EIF3A: variants seen among roughly 807,000 people sequenced by gnomAD.
EIF3A encodes the protein EIF3, p180 subunit.
Under a neutral mutation model 186.6 loss-of-function variants are expected in EIF3A, and 21 were observed. The ratio of observed to expected loss-of-function variants is 0.11; its 90% confidence interval spans 0.08 to 0.16. The LOEUF (loss-of-function observed/expected upper bound fraction) is 0.16, where lower values mean the gene tolerates loss of function less well. Ranked by LOEUF, EIF3A falls within the 10% of genes least tolerant of loss-of-function variation. The pLI is 1.00. For synonymous variants in EIF3A, 563 were observed against 584.3 expected (o/e 0.96, Z 0.52); for missense variants, 1,306 against 1,796.3 (o/e 0.73, Z 4.93).
intron 17 of EIF3A, among the ~76,000 whole-genome samples, chr10:119,048,195 T>G (rs575642667): frequency 2.1e-5 from 3 of 142,492 alleles, no homozygotes; most frequent in African/African-American, 8.6e-5. Flanking sequence ...GCAGGCACAG[T>G]GATCAAACAT....
In EIF3A at chr10:119,042,705, G is replaced by T; in HGVS notation, c.2815C>A (p.Arg939Ser). The T allele has an allele frequency of 6.2e-7, 1 of 1,613,822 alleles. No homozygotes were observed. The highest frequency in any genetic ancestry group is 1.1e-5 in the South Asian group (1 of 91,078). ...SHRRDEERPR[R>S]LGDDEDREPS... ...TCTCTATCTTCATCATCCCCCAGAC[G>T]CCGGGGCCGCTCTTCATCTCTTCTA... Residue 939 changes from arginine to serine, a missense_variant, in exon 19 of 22, where the codon CGT becomes AGT. By Grantham distance (110) the Arg-to-Ser change is moderately radical. Around this residue, in one of 8 missense-constraint regions of EIF3A, gnomAD observed 410 missense variants for 473.5 expected, o/e 0.87. Coordinates refer to ENST00000369144, the MANE Select transcript of EIF3A (RefSeq NM_003750.4). The surrounding 1 kb of genome is among the most constrained non-coding windows in gnomAD (Gnocchi z 7.8).
intron 7 of EIF3A, among the ~76,000 whole-genome samples, chr10:119,062,379 T>G (rs76454965): frequency 0.012 from 1,800 of 152,342 alleles, 38 homozygotes; most frequent in African/African-American, 0.041. Flanking sequence ...TTAGGAATGT[T>G]TGAGTCTTTT....
At chr10:119,040,422 T>A (rs368397142) in intron 19 of EIF3A, among the ~76,000 whole-genome samples, 2 of 152,114 alleles carry the variant, frequency 1.3e-5, no homozygotes, top group Non-Finnish European at 2.9e-5. Flanking sequence ...CTGAAGAGAA[T>A]CAGAGGGATG....
intron 4 of EIF3A, among the ~76,000 whole-genome samples, chr10:119,072,024 C>CAAAAAAAAAAA (rs56100757): frequency 1.7e-5 from 1 of 59,470 alleles, no homozygotes; most frequent in African/African-American, 6.0e-5. Context: ...GACTCTGTCT[C>CAAAAAAAAAAA]AAAAAAAAAA....
chr10:119,080,354 C>G, intron 1 of EIF3A: 1 of 985,456 alleles, frequency 1.0e-6, no homozygotes, highest in Non-Finnish European at 1.2e-6. Flanking sequence ...GGGGCTGTCT[C>G]CCGGGCTGCG....
intron 9 of EIF3A, 115 bp from the exon 10 acceptor site, chr10:119,059,833 A>T: frequency 1.3e-6 from 1 of 749,604 alleles, no homozygotes; most frequent in Non-Finnish European, 2.4e-6. Context: ...TTATGTTAGC[A>T]GTACATTGTT....
chr10:119,070,757 T>G (rs954115897), intron 5 of EIF3A, 129 bp downstream of exon 5: 14 of 675,228 alleles, frequency 2.1e-5, no homozygotes, highest in Non-Finnish European at 3.1e-5. Flanking sequence ...CCCAGTCCAT[T>G]AGGCAACTTT....
chr10:119,040,781 C>T (rs569882696), intron 19 of EIF3A, among the ~76,000 whole-genome samples: 7 of 151,258 alleles, frequency 4.6e-5, no homozygotes, highest in Admixed American at 2.6e-4. Flanking sequence ...CTGAGGCAGG[C>T]GGATCAAGAG....
chr10:119,050,822 T>A, intron 15 of EIF3A, 148 bp from the exon 16 acceptor site: 1 of 863,154 alleles, frequency 1.2e-6, no homozygotes, highest in Non-Finnish European at 1.8e-6. Context: ...AACTTCCAAA[T>A]GACCATTAAC....
intron 1 of EIF3A, among the ~76,000 whole-genome samples, chr10:119,074,795 T>C (rs1844133817): frequency 6.7e-6 from 1 of 149,904 alleles, no homozygotes; most frequent in Non-Finnish European, 1.5e-5. Flanking sequence ...TAGCAGGGCG[T>C]AGTGGTGCAT....
intron 7 of EIF3A, among the ~76,000 whole-genome samples, chr10:119,061,589 A>G (rs1413680499): frequency 6.6e-6 from 1 of 152,108 alleles, no homozygotes; most frequent in Non-Finnish European, 1.5e-5. Flanking sequence ...CACAACTACA[A>G]CCAATTAAAT....
At chr10:119,074,191 C>T (rs1261984282) in intron 1 of EIF3A, among the ~76,000 whole-genome samples, 1 of 152,104 alleles carries the variant, frequency 6.6e-6, no homozygotes, top group African/African-American at 2.4e-5. Context: ...CCAGGCCGGG[C>T]GCAGTGGCTC....
In EIF3A at chr10:119,042,815, A is replaced by T; in HGVS notation, c.2748-43T>A. On this transcript the variant is annotated intron_variant, in intron 18 of 21. Coordinates refer to ENST00000369144, the MANE Select transcript of EIF3A (RefSeq NM_003750.4). The surrounding 1 kb of genome is among the most constrained non-coding windows in gnomAD (Gnocchi z 7.8). Reference sequence around the variant, plus strand: ...CAATTAAAAATATATAAAATAAAAAAGCATATGATCCTTTGGGGATTTTTT... The same window carrying T: ...CAATTAAAAATATATAAAATAAAAATGCATATGATCCTTTGGGGATTTTTT... The T allele has an allele frequency of 6.6e-7, 1 of 1,513,650 alleles. No individual in the cohort carries two copies. Among genetic ancestry groups the T allele is most frequent in the Non-Finnish European group, 8.8e-7 (1 of 1,139,660 alleles). The allele number at this position is 1,513,650 out of a possible 1,614,324, so 93.8% of individuals were successfully genotyped here.
chr10:119,058,350 C>G, intron 11 of EIF3A, 47 bp from the exon 12 acceptor site: 1 of 1,325,944 alleles, frequency 7.5e-7, no homozygotes, highest in Non-Finnish European at 1.0e-6. Flanking sequence ...TTAACATTCT[C>G]TGGTATTAGG....
chr10:119,070,791 A>G, intron 5 of EIF3A, 95 bp downstream of exon 5: 1 of 835,640 alleles, frequency 1.2e-6, no homozygotes, highest in Non-Finnish European at 2.0e-6. Context: ...ATTGAAATTA[A>G]CCAATGCATA....
intron 15 of EIF3A, 60 bp downstream of exon 15, chr10:119,051,139 C>A (rs1329591992): frequency 6.7e-7 from 1 of 1,486,978 alleles, no homozygotes; most frequent in Non-Finnish European, 9.1e-7. Context: ...TAAGGGAGAA[C>A]CCTTAGGCCA....
chr10:119,062,146 A>G (rs1843898982), intron 7 of EIF3A, among the ~76,000 whole-genome samples: 3 of 152,188 alleles, frequency 2.0e-5, no homozygotes. Context: ...CTTTACTGCA[A>G]TAAGGTGTGG....
intron 1 of EIF3A, among the ~76,000 whole-genome samples, chr10:119,076,247 T>TA (rs1349895388): frequency 6.6e-6 from 1 of 150,382 alleles, no homozygotes; most frequent in African/African-American, 2.4e-5. Context: ...GCAAGACAAT[T>TA]ACTTGAATTC....
In EIF3A at chr10:119,075,711, CTTTTTTTTT is replaced by C. The variant is rs58392465; in HGVS notation, c.50-1783_50-1775del. Among the ~76,000 whole-genome samples, 14 of 65,296 alleles carry C rather than the reference CTTTTTTTTT, an allele frequency of 2.1e-4. No homozygotes were observed. The South Asian group carries it at 8.0e-3, about 37-fold the overall frequency. The allele number at this position is 65,296 out of a possible 152,430, so 42.8% of individuals were successfully genotyped here. On this transcript the variant is annotated intron_variant, in intron 1 of 21. Coordinates refer to ENST00000369144, the MANE Select transcript of EIF3A (RefSeq NM_003750.4). ...ATTGTTTATTTTCCTTGGAAAAAGA[CTTTTTTTTT>C]TTTTTTTTTTTTGGACAGAGTCTTG... is the stretch of plus-strand genomic sequence containing the variant.
Sources: gnomAD v4.1 joint callset for allele counts (sites outside exome capture counted in the v4.1 genomes callset) on GRCh38, gnomAD v4.1.1 for gene constraint, gnomAD v4.1.1 regional missense constraint, Gnocchi (gnomAD v3.1) non-coding constraint, MANE v1.5 for transcripts, NCBI Gene and HGNC (gene_info 2026-07-23, HGNC 2026-07-21) for gene names.